Variants in MTIF2 observed in about 807,000 individuals in gnomAD.
MTIF2 encodes the protein mitochondrial translational initiation factor 2.
In MTIF2, 71 loss-of-function variants were observed where a neutral mutation model predicts 83.5. The ratio of observed to expected loss-of-function variants is 0.85; its 90% CI spans 0.70 to 1.04. The LOEUF (loss-of-function observed/expected upper bound fraction) is 1.04. Among genes scored for constraint, MTIF2 ranks in the 50% least tolerant of loss-of-function variants. The pLI is 0.00. For synonymous variants in MTIF2, 319 were observed against 287.1 expected (o/e 1.11, Z -1.12); for missense variants, 957 against 846.5 (o/e 1.13, Z -1.62).
In MTIF2 at chr2:55,249,377, T is replaced by C; in HGVS notation, c.981+18A>G. The C allele has an allele frequency of 6.2e-7, 1 of 1,612,504 alleles. No homozygotes were observed. Among genetic ancestry groups the C allele is most frequent in the Non-Finnish European group, 8.5e-7 (1 of 1,179,210 alleles). ...GCATTCCCATCCAGGCATATTTATA[T>C]GAGGTCCCCGCATTTACCGTAAGTG... On this transcript the variant is annotated intron_variant, in intron 9 of 15. Transcript: ENST00000263629.
chr2:55,248,291 A>G (rs1463351897), intron 9 of MTIF2, among the ~76,000 whole-genome samples: 13 of 152,242 alleles, frequency 8.5e-5, no homozygotes. Context: ...AGCATTTTAT[A>G]AATTTCAGAG....
chr2:55,250,926 A>G (rs1176271580), intron 8 of MTIF2, among the ~76,000 whole-genome samples: 3 of 152,054 alleles, frequency 2.0e-5, no homozygotes, highest in Non-Finnish European at 2.9e-5. Flanking sequence ...CCTGGCCAAC[A>G]TGGTAAAACC....
chr2:55,247,573 T>C (rs973301033), intron 9 of MTIF2, among the ~76,000 whole-genome samples: 1 of 151,884 alleles, frequency 6.6e-6, no homozygotes, highest in East Asian at 1.9e-4. Context: ...AATAAAACAA[T>C]AGACAACTGT....
intron 5 of MTIF2, among the ~76,000 whole-genome samples, chr2:55,255,174 G>T (rs572204020): frequency 6.6e-6 from 1 of 151,072 alleles, no homozygotes; most frequent in African/African-American, 2.4e-5. Context: ...ATGTATACAC[G>T]AATGTGTGTG....
At chr2:55,260,283 C>T (rs192854339) in intron 5 of MTIF2, among the ~76,000 whole-genome samples, 80 of 151,892 alleles carry the variant, frequency 5.3e-4, no homozygotes, top group Middle Eastern at 3.4e-3. Flanking sequence ...CCTGTAATCC[C>T]AGCTACTCGG....
At position 55,243,647 on chromosome 2, in the gene MTIF2, C is replaced by T. The variant is rs746506549; in HGVS notation, c.1333G>A (p.Asp445Asn). Residue 445 changes from aspartate (D) to asparagine (N), a missense_variant, in exon 12 of 16, where the codon GAC (aspartate) becomes AAC (asparagine). Transcript: ENST00000263629. ...TGTTCTTGTTCATATTTCCTCCAGT[C>T]AACAACTTCACGTGCCCTTGGCTTT... ...ESEPRAREVV[D>N]WRKYEQEQEK... 5.0e-6 allele frequency: 8 copies of T among 1,613,428 alleles called. No individual in the cohort carries two copies. In the East Asian group the frequency reaches 1.1e-4, roughly 22 times the overall value.
Position 55,243,076 on chromosome 2 carries a change from A to G in MTIF2, c.1569T>C (p.Asp523=). The G allele has an allele frequency of 3.1e-6, 5 of 1,598,172 alleles. No individual in the cohort carries two copies. Among genetic ancestry groups the G allele is most frequent in the Non-Finnish European group, 4.3e-6 (5 of 1,175,556 alleles). The change falls in exon 13 of 16, where the codon GAT becomes GAC. Residue 523 remains aspartate, a synonymous_variant. Transcript: ENST00000263629. The part of the protein sequence containing the change: ...SNVLSVIIKG[D]VDGSVEAILN... ...AAATGGCCTCAACAGAACCATCAAC[A>G]TCACCTAAATACAGAAAAAGTTTAT...
At chr2:55,238,999 A>C (rs1170852168) in intron 14 of MTIF2, among the ~76,000 whole-genome samples, 1 of 152,220 alleles carries the variant, frequency 6.6e-6, no homozygotes, top group Non-Finnish European at 1.5e-5. Flanking sequence ...AATCCAAATC[A>C]AGGTACATTC....
chr2:55,243,402 C>A lies in MTIF2; in HGVS notation c.1564+14G>T. The A allele has an allele frequency of 3.2e-6, 5 of 1,581,596 alleles. No homozygotes were observed. Among genetic ancestry groups the A allele is most frequent in the Non-Finnish European group, 4.3e-6 (5 of 1,159,840 alleles). On this transcript the variant is annotated intron_variant, in intron 12 of 15. Coordinates refer to ENST00000263629, the MANE Select transcript of MTIF2 (RefSeq NM_002453.3). ...CAAAGAATGAACTGTAATGTAAAAT[C>A]TTTAAAAAGATACCTTTAATAATCA...
chr2:55,250,858 G>A (rs1677042841), intron 8 of MTIF2, among the ~76,000 whole-genome samples: 1 of 152,076 alleles, frequency 6.6e-6, no homozygotes, highest in Non-Finnish European at 1.5e-5. Flanking sequence ...GCTCATACCT[G>A]TAATCCCAGG....
intron 5 of MTIF2, among the ~76,000 whole-genome samples, chr2:55,255,371 T>A (rs1447532493): frequency 6.8e-6 from 1 of 147,630 alleles, no homozygotes; most frequent in Non-Finnish European, 1.5e-5. Context: ...TGTTTAAAGA[T>A]ACTATATATA....
At chr2:55,249,254 C>G (rs1321363925) in intron 9 of MTIF2, 141 bp downstream of exon 9, 1 of 1,043,014 alleles carries the variant, frequency 9.6e-7, no homozygotes, top group Non-Finnish European at 1.4e-6. Flanking sequence ...CAAGATAATA[C>G]CATCTTTGCC....
chr2:55,243,692 T>C lies in MTIF2; in HGVS notation c.1312-24A>G, dbSNP rs750908291. 7 of 1,604,086 alleles carry C rather than the reference T, an allele frequency of 4.4e-6. No individual in the cohort carries two copies. In the Admixed American group the frequency reaches 1.0e-4, roughly 24 times the overall value. On this transcript the variant is annotated intron_variant, in intron 11 of 15. Transcript: ENST00000263629. ...GGCTTTATAGGGGAAAAACGTATTATTTAATGAAATAGACATCAATAACTG... is the reference window on the plus strand; with the variant it reads ...GGCTTTATAGGGGAAAAACGTATTACTTAATGAAATAGACATCAATAACTG...
intron 10 of MTIF2, among the ~76,000 whole-genome samples, chr2:55,245,408 A>G (rs1458479409): frequency 6.6e-6 from 1 of 152,166 alleles, no homozygotes; most frequent in Non-Finnish European, 1.5e-5. Context: ...TGTAAATCCC[A>G]GCTACTTGGG....
rs1371589879 is a variant in MTIF2 at position 55,236,828 on chromosome 2, AAG to A, written c.2012-10_2012-9del. On this transcript the variant is annotated splice_polypyrimidine_tract_variant and intron_variant, in intron 15 of 15. Transcript: ENST00000263629. ...TCAATGAGGTTAATGAGCCTTAAAA[AAG>A]ATAATTTAAGGTTAGTATATTCAAT... 1 of 1,565,170 alleles carries A rather than the reference AAG, an allele frequency of 6.4e-7. No individual in the cohort carries two copies. The highest frequency in any genetic ancestry group is 2.0e-5 in the Admixed American group (1 of 49,140).
At chr2:55,261,522 A>G (rs1445947606) in intron 5 of MTIF2, among the ~76,000 whole-genome samples, 1 of 151,618 alleles carries the variant, frequency 6.6e-6, no homozygotes, top group Non-Finnish European at 1.5e-5. Flanking sequence ...CAGGAGAACC[A>G]CTTGAACCTG....
rs1676709557 is a variant in MTIF2, at chr2:55,246,446, C to A, written c.997G>T (p.Ala333Ser). Reference sequence around the variant, plus strand: ...AGAGCAACTGTTGCTTCTGCCAAAGCCATCAGATTATCGCCCTTTAACAAT... The same window carrying A: ...AGAGCAACTGTTGCTTCTGCCAAAGACATCAGATTATCGCCCTTTAACAAT... ...VSALTGDNLM[A>S]LAEATVALAE... The change falls in exon 10 of 16, where the codon GCT (alanine) becomes TCT (serine). Residue 333 changes from alanine to serine, a missense_variant. Transcript: ENST00000263629. 1 of 1,613,604 alleles carries A rather than the reference C, an allele frequency of 6.2e-7. No homozygotes were observed.
At chr2:55,256,033 T>C (rs970938839) in intron 5 of MTIF2, among the ~76,000 whole-genome samples, 1 of 151,922 alleles carries the variant, frequency 6.6e-6, no homozygotes, top group African/African-American at 2.4e-5. Flanking sequence ...CACGCCACCA[T>C]CCCTGGCTAA....
At chr2:55,262,809 AC>A (rs1417223541) in intron 4 of MTIF2, among the ~76,000 whole-genome samples, 4 of 151,122 alleles carry the variant, frequency 2.6e-5, no homozygotes, top group African/African-American at 9.7e-5. Context: ...GCTCACTGAA[AC>A]CTCCACCTCC....
Sources: allele counts gnomAD v4.1 joint callset (sites outside exome capture counted in the v4.1 genomes callset), GRCh38; gene constraint gnomAD v4.1.1; transcripts MANE v1.5; gene names NCBI Gene and HGNC (gene_info 2026-07-23, HGNC 2026-07-21).